Variants in EPHA6 observed in about 807,000 individuals in gnomAD.
EPHA6 encodes ephrin type-A receptor 6.
Under a neutral mutation model 112.0 loss-of-function variants are expected in EPHA6, and 50 were observed. The observed-to-expected ratio is 0.45, with a 90% confidence interval of 0.36 to 0.56. EPHA6 has a LOEUF of 0.56. Ranked by LOEUF, EPHA6 falls within the 20% of genes least tolerant of loss-of-function variation. The pLI is 0.00. For synonymous variants in EPHA6, 529 were observed against 490.7 expected, an observed-to-expected ratio of 1.08 and a Z score of -1.03; for missense variants, 1,280 against 1,417.4, an observed-to-expected ratio of 0.90 and a Z score of 1.56.
At chr3:97,262,341 T>A (rs2079531535) in intron 5 of EPHA6, among the ~76,000 whole-genome samples, 2 of 152,120 alleles carry the variant, frequency 1.3e-5, no homozygotes, top group East Asian at 1.9e-4. Flanking sequence ...TTATATTTGA[T>A]CTTGATCTTG....
At chr3:97,426,856 G>A (rs1004224474) in intron 6 of EPHA6, among the ~76,000 whole-genome samples, 1 of 151,890 alleles carries the variant, frequency 6.6e-6, no homozygotes, top group East Asian at 1.9e-4. Flanking sequence ...CAGGCGAAAG[G>A]CAGCCTCATT....
chr3:96,994,171 A>G, intron 3 of EPHA6: 1 of 359,252 alleles, frequency 2.8e-6, no homozygotes, highest in South Asian at 3.1e-5. Context: ...AGATAGAAAG[A>G]TTATATTAAG....
At chr3:97,355,195 T>A (rs536741877) in intron 5 of EPHA6, among the ~76,000 whole-genome samples, 67 of 152,232 alleles carry the variant, frequency 4.4e-4, no homozygotes, top group African/African-American at 1.6e-3. Context: ...GCGGTAATAG[T>A]AGGTACACAG....
intron 3 of EPHA6, among the ~76,000 whole-genome samples, chr3:97,223,003 A>G (rs1367826320): frequency 6.6e-6 from 1 of 152,232 alleles, no homozygotes; most frequent in African/African-American, 2.4e-5. Context: ...TTGGCAACAT[A>G]CGTGGGTCAT....
chr3:97,448,685 T>C lies in EPHA6; in HGVS notation c.1849T>C (p.Tyr617His), dbSNP rs376277064. 4.3e-6 allele frequency: 7 copies of C among 1,613,372 alleles called. No individual in the cohort carries two copies. The highest frequency in any genetic ancestry group is 1.1e-5 in the South Asian group (1 of 91,086). Residue 617 changes from tyrosine to histidine, a missense_variant, in exon 7 of 18, where the codon TAC (tyrosine) becomes CAC (histidine). Physicochemically the swap from Tyr to His is moderately conservative, Grantham distance 83. Around this residue, in one of 4 missense-constraint regions of EPHA6, gnomAD observed 878 missense variants for 999.7 expected, o/e 0.88. Transcript: ENST00000389672. Reference sequence around the variant, plus strand: ...CATCCGAGTGAGAACTGCGACAGGATACAGTGGCTACAGTCAGAAATTTGA... The same window carrying C: ...CATCCGAGTGAGAACTGCGACAGGACACAGTGGCTACAGTCAGAAATTTGA... ...FHIRVRTATG[Y>H]SGYSQKFEFE... is the part of the protein sequence containing the mutation.
intron 5 of EPHA6, among the ~76,000 whole-genome samples, chr3:97,254,956 G>T (rs1225361297): frequency 6.6e-6 from 1 of 152,160 alleles, no homozygotes. Context: ...GAACATTCTA[G>T]TTAGAGCATT....
intron 3 of EPHA6, among the ~76,000 whole-genome samples, chr3:97,003,041 T>C (rs972274176): frequency 1.3e-5 from 2 of 152,110 alleles, no homozygotes; most frequent in African/African-American, 4.8e-5. Context: ...GTTGTTATGT[T>C]GTAGGGGTTG....
chr3:97,384,820 T>G (rs1274137489), intron 5 of EPHA6, among the ~76,000 whole-genome samples: 2 of 152,168 alleles, frequency 1.3e-5, no homozygotes, highest in Non-Finnish European at 2.9e-5. Context: ...ATAGAATATT[T>G]TCTTCATGGC....
At chr3:96,891,203 T>G (rs1362484106) in intron 2 of EPHA6, among the ~76,000 whole-genome samples, 1 of 152,008 alleles carries the variant, frequency 6.6e-6, no homozygotes, top group African/African-American at 2.4e-5. Context: ...CAATCAGCAG[T>G]AAAATATATA....
chr3:97,518,829 A>G (rs2092490626), intron 10 of EPHA6, among the ~76,000 whole-genome samples: 1 of 151,580 alleles, frequency 6.6e-6, no homozygotes. Flanking sequence ...TAATAAAATT[A>G]TTTGTTTTTT....
chr3:97,008,792 A>T (rs2043976249), intron 3 of EPHA6, among the ~76,000 whole-genome samples: 1 of 151,636 alleles, frequency 6.6e-6, no homozygotes, highest in African/African-American at 2.4e-5. Context: ...TGGGTTTTTT[A>T]TGGGGGCCCT....
At chr3:97,034,807 G>C (rs927589810) in intron 3 of EPHA6, among the ~76,000 whole-genome samples, 6 of 151,874 alleles carry the variant, frequency 4.0e-5, no homozygotes, top group Non-Finnish European at 7.4e-5. Flanking sequence ...ATGGAACTAC[G>C]ATATAGAAAT....
intron 11 of EPHA6, among the ~76,000 whole-genome samples, chr3:97,578,718 G>A (rs1180235434): frequency 6.6e-6 from 1 of 152,110 alleles, no homozygotes; most frequent in East Asian, 1.9e-4. Context: ...TTTTCAGACC[G>A]AAGATTTTCA....
At chr3:97,746,965 T>C (rs545780137) in intron 16 of EPHA6, among the ~76,000 whole-genome samples, 1 of 151,926 alleles carries the variant, frequency 6.6e-6, no homozygotes, top group African/African-American at 2.4e-5. Flanking sequence ...TCACAGCAAA[T>C]GTAGAAAAGG....
intron 7 of EPHA6, among the ~76,000 whole-genome samples, chr3:97,457,788 C>T (rs1036326632): frequency 6.6e-6 from 1 of 151,942 alleles, no homozygotes; most frequent in Non-Finnish European, 1.5e-5. Context: ...GCTTAATGGC[C>T]GGGCGCGGTG....
intron 2 of EPHA6, among the ~76,000 whole-genome samples, chr3:96,938,946 G>C (rs1374416401): frequency 6.6e-6 from 1 of 152,138 alleles, no homozygotes; most frequent in African/African-American, 2.4e-5. Flanking sequence ...TTGCATCCCA[G>C]GGATGAAGCC....
intron 3 of EPHA6, among the ~76,000 whole-genome samples, chr3:97,144,427 C>T (rs1015006439): frequency 6.7e-6 from 1 of 150,276 alleles, no homozygotes; most frequent in Non-Finnish European, 1.5e-5. Context: ...TTACCATATT[C>T]CTCAGAGGCA....
At chr3:96,844,090 A>T (rs1156420324) in intron 1 of EPHA6, among the ~76,000 whole-genome samples, 2 of 151,980 alleles carry the variant, frequency 1.3e-5, no homozygotes, top group Non-Finnish European at 2.9e-5. Context: ...CTTAGTAGAA[A>T]AGATTCTGGG....
intron 13 of EPHA6, among the ~76,000 whole-genome samples, chr3:97,624,512 G>A (rs200806382): frequency 6.6e-6 from 1 of 151,482 alleles, no homozygotes. Flanking sequence ...TAGTAATGTG[G>A]GGGTTTTTTG....
Sources: gnomAD v4.1 joint callset for allele counts (sites outside exome capture counted in the v4.1 genomes callset) on GRCh38, gnomAD v4.1.1 for gene constraint, gnomAD v4.1.1 regional missense constraint, MANE v1.5 for transcripts, NCBI Gene and HGNC (gene_info 2026-07-23, HGNC 2026-07-21) for gene names.